KLHL28: variants seen among roughly 807,000 people sequenced by gnomAD.
KLHL28 encodes kelch like family member 28, also known as kelch-like protein 28.
A neutral mutation model predicts 48.3 loss-of-function variants in KLHL28; 22 were observed. The observed-to-expected ratio is 0.46, with a 90% CI of 0.33 to 0.65. The LOEUF (loss-of-function observed/expected upper bound fraction) is 0.65. Ranked by LOEUF, KLHL28 falls within the 30% of genes least tolerant of loss-of-function variation. The pLI is 0.03. For missense variants in KLHL28, 527 were observed against 704.3 expected (o/e 0.75, Z 2.85); for synonymous variants, 243 against 242.4 (o/e 1.00, Z -0.02).
intron 2 of KLHL28, among the ~76,000 whole-genome samples, chr14:44,940,100 T>C (rs1308604859): frequency 6.6e-6 from 1 of 152,190 alleles, no homozygotes; most frequent in African/African-American, 2.4e-5. Flanking sequence ...TCACATGAAG[T>C]GCAAGCGAGT....
intron 2 of KLHL28, among the ~76,000 whole-genome samples, chr14:44,944,777 A>G (rs1461057100): frequency 6.6e-6 from 1 of 152,218 alleles, no homozygotes; most frequent in Admixed American, 6.5e-5. Flanking sequence ...AAAATGGAAT[A>G]AAAGTTTGTG....
intron 1 of KLHL28, among the ~76,000 whole-genome samples, chr14:44,951,113 A>C (rs1884561584): frequency 6.6e-6 from 1 of 152,252 alleles, no homozygotes; most frequent in Non-Finnish European, 1.5e-5. Flanking sequence ...GGCCCCATGA[A>C]AACTATGGCT....
rs1383840248 is a variant in KLHL28 at position 44,927,798 on chromosome 14, G to C, written c.*1230C>G. Reference sequence around the variant, plus strand: ...GTACAAAGTAATGCATAACTGCCTAGTGCTTTATATTTAATGCATATATTT... The same window carrying C: ...GTACAAAGTAATGCATAACTGCCTACTGCTTTATATTTAATGCATATATTT... On this transcript the variant is annotated 3_prime_UTR_variant, in exon 5 of 5. Transcript: ENST00000396128. 1.3e-5 allele frequency: 2 copies of C among 152,510 alleles called. No individual in the cohort carries two copies. The highest frequency in any genetic ancestry group is 2.9e-5 in the Non-Finnish European group (2 of 68,002). The allele number at this position is 152,510 out of a possible 1,614,324, so 9.4% of individuals were successfully genotyped here. A position where few individuals can be genotyped will look rare whatever the true frequency, so the allele number is the denominator to read the frequency against.
chr14:44,947,055 A>T (rs1026818709), intron 1 of KLHL28, among the ~76,000 whole-genome samples: 1 of 152,192 alleles, frequency 6.6e-6, no homozygotes, highest in Non-Finnish European at 1.5e-5. Context: ...GAATCTGTGA[A>T]TATTACTTTA....
intron 2 of KLHL28, among the ~76,000 whole-genome samples, chr14:44,943,731 T>C (rs1346326748): frequency 6.6e-6 from 1 of 151,156 alleles, no homozygotes; most frequent in Non-Finnish European, 1.5e-5. Flanking sequence ...TTTTTTTTTT[T>C]CAAAACAGGG....
intron 4 of KLHL28, 138 bp downstream of exon 4, chr14:44,931,195 T>C: frequency 1.7e-6 from 1 of 576,928 alleles, no homozygotes; most frequent in Non-Finnish European, 3.0e-6. Context: ...CTTTCAAGTT[T>C]ACCACATACA....
chr14:44,928,978 T>C lies in KLHL28; in HGVS notation c.*50A>G. On this transcript the variant is annotated 3_prime_UTR_variant, in exon 5 of 5. Coordinates refer to ENST00000396128, the MANE Select transcript of KLHL28 (RefSeq NM_017658.5). ...TCAGAAAACTGGGCCATCCGGATGT[T>C]CATGCAGTACAAGTTTCACCACCAT... 1 of 1,565,708 alleles carries C rather than the reference T, an allele frequency of 6.4e-7. No individual in the cohort carries two copies. Among genetic ancestry groups the C allele is most frequent in the Non-Finnish European group, 8.8e-7 (1 of 1,141,258 alleles).
Position 44,946,013 on chromosome 14 carries a change from G to A in KLHL28, c.1-85C>T, listed in dbSNP as rs1259803559. On this transcript the variant is annotated intron_variant, in intron 1 of 4. Coordinates refer to ENST00000396128, the MANE Select transcript of KLHL28 (RefSeq NM_017658.5). The stretch of plus-strand genomic sequence containing the variant: ...CTTTTCAAATAGTACAGAATAATCA[G>A]ATTTGTAATTTATTTGTCTGTTCAT... 43 of 1,065,036 alleles carry A rather than the reference G, an allele frequency of 4.0e-5. No homozygotes were observed. In the South Asian group the frequency reaches 5.8e-4, roughly 14 times the overall value. The allele number at this position is 1,065,036 out of a possible 1,614,324, so 66.0% of individuals were successfully genotyped here. A position where few individuals can be genotyped will look rare whatever the true frequency, so the allele number is the denominator to read the frequency against.
intron 1 of KLHL28, among the ~76,000 whole-genome samples, chr14:44,958,900 A>G (rs1884917048): frequency 6.6e-6 from 1 of 152,056 alleles, no homozygotes; most frequent in Non-Finnish European, 1.5e-5. Flanking sequence ...ACCTAAGTAG[A>G]TGAAAATATA....
chr14:44,947,585 T>C (rs1884392213), intron 1 of KLHL28, among the ~76,000 whole-genome samples: 2 of 152,168 alleles, frequency 1.3e-5, no homozygotes, highest in Non-Finnish European at 2.9e-5. Context: ...GTTATGGCAA[T>C]AACGAAAAAG....
At chr14:44,960,685 T>C (rs1885014787) in intron 1 of KLHL28, among the ~76,000 whole-genome samples, 1 of 152,008 alleles carries the variant, frequency 6.6e-6, no homozygotes, top group Non-Finnish European at 1.5e-5. Flanking sequence ...TTACACAGCC[T>C]CATTTACATT....
intron 4 of KLHL28, among the ~76,000 whole-genome samples, chr14:44,930,970 C>T (rs947461955): frequency 2.0e-5 from 3 of 152,028 alleles, no homozygotes; most frequent in African/African-American, 7.2e-5. Context: ...TACTGATATA[C>T]AATAGAAAAC....
intron 4 of KLHL28, among the ~76,000 whole-genome samples, chr14:44,929,753 G>A (rs1230360192): frequency 6.6e-6 from 1 of 152,166 alleles, no homozygotes; most frequent in Middle Eastern, 3.2e-3. Flanking sequence ...GTTTGAGGCA[G>A]CGGTGAGCTA....
At chr14:44,952,648 C>T (rs1884630405) in intron 1 of KLHL28, among the ~76,000 whole-genome samples, 1 of 152,126 alleles carries the variant, frequency 6.6e-6, no homozygotes. Context: ...ACCTACTTGC[C>T]TCAGCCTCAT....
intron 1 of KLHL28, among the ~76,000 whole-genome samples, chr14:44,958,887 T>C (rs1884914004): frequency 6.6e-6 from 1 of 152,004 alleles, no homozygotes; most frequent in African/African-American, 2.4e-5. Context: ...CTTTGGAAGA[T>C]AAACCTAAGT....
intron 2 of KLHL28, 74 bp from the exon 3 acceptor site, chr14:44,934,632 T>C (rs1251813840): frequency 8.7e-6 from 10 of 1,143,902 alleles, no homozygotes; most frequent in South Asian, 1.8e-5. Context: ...TTTAATCTTA[T>C]TAGTAATCAG....
At position 44,945,396 on chromosome 14, in the gene KLHL28, T is replaced by A. The variant is rs765996151; in HGVS notation, c.533A>T (p.His178Leu). 1.2e-6 allele frequency: 2 copies of A among 1,614,052 alleles called. No homozygotes were observed. The highest frequency in any genetic ancestry group is 1.7e-6 in the Non-Finnish European group (2 of 1,180,018). The stretch of plus-strand genomic sequence containing the variant: ...GGAAACAATTTCATCCAAGTCAGCA[T>A]GTGTAAGCTCAAAAAACTCTTCAGT... ...CQTEEFFELT[H>L]ADLDEIVSND... Residue 178 changes from histidine (H) to leucine (L), a missense_variant, in exon 2 of 5, where the codon CAT (histidine) becomes CTT (leucine). Transcript: ENST00000396128.
Position 44,941,550 on chromosome 14 carries a change from C to G in KLHL28, c.899+3480G>C, listed in dbSNP as rs560774399. On this transcript the variant is annotated intron_variant, in intron 2 of 4. Coordinates refer to ENST00000396128, the MANE Select transcript of KLHL28 (RefSeq NM_017658.5). ...GGCTGAGGCAAGAGAATTGCTTGAA[C>G]CTGGGAGGCGGAGATTGCGGTGAGC... Among the ~76,000 whole-genome samples, 287 of 151,462 alleles carry G rather than the reference C, an allele frequency of 1.9e-3. 3 individuals carry two copies. Among genetic ancestry groups the G allele is most frequent in the African/African-American group, 6.4e-3 (265 of 41,170 alleles).
At position 44,945,901 on chromosome 14, in the gene KLHL28, G is replaced by A; in HGVS notation, c.28C>T (p.Leu10Phe). The A allele has an allele frequency of 6.2e-7, 1 of 1,613,370 alleles. No individual in the cohort carries two copies. The highest frequency in any genetic ancestry group is 8.5e-7 in the Non-Finnish European group (1 of 1,179,320). Residue 10 changes from leucine to phenylalanine, a missense_variant, in exon 2 of 5, where the codon CTT (leucine) becomes TTT (phenylalanine). By Grantham distance (22) the Leu-to-Phe change is conservative (BLOSUM62 0). Coordinates refer to ENST00000396128, the MANE Select transcript of KLHL28 (RefSeq NM_017658.5). MDHTSPTYM[L>F]ANLTHLHSEQ... ...GAATGCAAGTGGGTTAAGTTAGCAA[G>A]CATGTAGGTCGGGGATGTGTGGTCC... is the stretch of plus-strand genomic sequence containing the variant.
Sources: gnomAD v4.1 joint callset for allele counts (sites outside exome capture counted in the v4.1 genomes callset) on GRCh38, gnomAD v4.1.1 for gene constraint, MANE v1.5 for transcripts, NCBI Gene and HGNC (gene_info 2026-07-23, HGNC 2026-07-21) for gene names.